NRXN1: variants seen among roughly 807,000 people sequenced by gnomAD.
NRXN1 encodes the protein neurexin-1.
A neutral mutation model predicts 150.9 loss-of-function variants in NRXN1; 39 were observed. That is an observed-to-expected ratio of 0.26 (90% confidence interval 0.20 to 0.34). NRXN1 has a LOEUF of 0.34. Ranked by LOEUF, NRXN1 falls within the 10% of genes least tolerant of loss-of-function variation. The probability of loss-of-function intolerance (pLI) is 1.00; values close to 1 mark genes in which losing one functional copy is unlikely to be tolerated. For synonymous variants in NRXN1, 924 were observed against 757.0 expected (o/e 1.22, Z -3.62); for missense variants, 1,815 against 1,949.9 (o/e 0.93, Z 1.30).
At chr2:50,333,835 G>A (rs2076987481) in intron 17 of NRXN1, among the ~76,000 whole-genome samples, 1 of 152,050 alleles carries the variant, frequency 6.6e-6, no homozygotes, top group South Asian at 2.1e-4. Flanking sequence ...AGCAGAGTGT[G>A]TAAACACCCA....
intron 2 of NRXN1, among the ~76,000 whole-genome samples, chr2:50,991,742 C>T (rs1446177277): frequency 6.6e-6 from 1 of 151,860 alleles, no homozygotes; most frequent in Non-Finnish European, 1.5e-5. Context: ...CTTGGGAACG[C>T]GATTCAAGGA....
chr2:50,886,832 G>C (rs1249301583), intron 5 of NRXN1, among the ~76,000 whole-genome samples: 2 of 151,148 alleles, frequency 1.3e-5, no homozygotes, highest in African/African-American at 4.8e-5. Context: ...TTATACTTTG[G>C]AGAGCCCAAA....
intron 2 of NRXN1, among the ~76,000 whole-genome samples, chr2:50,931,975 C>A (rs904404863): frequency 6.6e-6 from 1 of 151,950 alleles, no homozygotes; most frequent in Non-Finnish European, 1.5e-5. Context: ...AATTCTCCTG[C>A]CTCAGCCTCC....
At chr2:50,111,765 C>T (rs1418604801) in intron 18 of NRXN1, among the ~76,000 whole-genome samples, 1 of 152,176 alleles carries the variant, frequency 6.6e-6, no homozygotes, top group Non-Finnish European at 1.5e-5. Flanking sequence ...CACATTTTCC[C>T]CACAGTCAGC....
At chr2:50,131,659 T>G (rs1301338148) in intron 18 of NRXN1, among the ~76,000 whole-genome samples, 1 of 152,180 alleles carries the variant, frequency 6.6e-6, no homozygotes, top group Non-Finnish European at 1.5e-5. Flanking sequence ...TTTATTCACA[T>G]TAATTCAGCT....
At chr2:50,990,740 G>A (rs1346879060) in intron 2 of NRXN1, among the ~76,000 whole-genome samples, 1 of 151,960 alleles carries the variant, frequency 6.6e-6, no homozygotes, top group Admixed American at 6.6e-5. Flanking sequence ...ACGTCTTGCT[G>A]AGTTTCCTTT....
intron 2 of NRXN1, among the ~76,000 whole-genome samples, chr2:51,008,458 A>T (rs1194822527): frequency 1.3e-5 from 2 of 151,896 alleles, no homozygotes; most frequent in African/African-American, 4.8e-5. Context: ...CCTAAATACA[A>T]AATGAAAATA....
At chr2:50,975,267 A>C (rs1695638015) in intron 2 of NRXN1, among the ~76,000 whole-genome samples, 2 of 152,128 alleles carry the variant, frequency 1.3e-5, no homozygotes, top group Non-Finnish European at 2.9e-5. Context: ...TAACCATATA[A>C]ACAAAAACTC....
At chr2:50,426,730 A>T (rs937895243) in intron 17 of NRXN1, among the ~76,000 whole-genome samples, 7 of 152,284 alleles carry the variant, frequency 4.6e-5, no homozygotes, top group Admixed American at 3.9e-4. Context: ...TCAGTCCCTG[A>T]CCCATGCCAA....
At chr2:50,142,685 T>G (rs1333066771) in intron 18 of NRXN1, among the ~76,000 whole-genome samples, 1 of 151,974 alleles carries the variant, frequency 6.6e-6, no homozygotes, top group Admixed American at 6.6e-5. Context: ...TTAAAATTCC[T>G]TAATGCTAAA....
intron 2 of NRXN1, among the ~76,000 whole-genome samples, chr2:50,969,567 C>A (rs17041153): frequency 0.011 from 1,612 of 152,194 alleles, 37 homozygotes; most frequent in East Asian, 0.088. Flanking sequence ...GAAGTAGGAA[C>A]TATTTGATCT....
intron 5 of NRXN1, among the ~76,000 whole-genome samples, chr2:50,645,612 A>G (rs895764646): frequency 6.6e-6 from 1 of 152,004 alleles, no homozygotes; most frequent in Non-Finnish European, 1.5e-5. Context: ...TCATGTACTA[A>G]GCATTCAACA....
chr2:50,643,767 C>A (rs753670301), intron 5 of NRXN1, among the ~76,000 whole-genome samples: 4 of 151,804 alleles, frequency 2.6e-5, no homozygotes, highest in African/African-American at 4.8e-5. Context: ...TGTTTCTGTG[C>A]CAGAACTAGA....
chr2:50,027,503 C>A (rs530815499), intron 21 of NRXN1, among the ~76,000 whole-genome samples: 1 of 151,982 alleles, frequency 6.6e-6, no homozygotes, highest in South Asian at 2.1e-4. Context: ...AGTGCAGTGG[C>A]ACTCTCATGA....
intron 2 of NRXN1, among the ~76,000 whole-genome samples, chr2:50,966,817 C>A (rs1376419254): frequency 2.6e-5 from 4 of 151,814 alleles, no homozygotes; most frequent in Non-Finnish European, 4.4e-5. Context: ...GCTATAACAG[C>A]TATCTGCATT....
intron 18 of NRXN1, among the ~76,000 whole-genome samples, chr2:50,119,838 T>C (rs1703618354): frequency 6.6e-6 from 1 of 152,214 alleles, no homozygotes; most frequent in East Asian, 1.9e-4. Context: ...AGTTTTGCTC[T>C]TAATTTTTTT....
intron 17 of NRXN1, among the ~76,000 whole-genome samples, chr2:50,291,775 A>G (rs1263444325): frequency 6.6e-6 from 1 of 152,168 alleles, no homozygotes; most frequent in Non-Finnish European, 1.5e-5. Flanking sequence ...CTTAAGTCAC[A>G]GGAGCAATAA....
chr2:50,452,049 T>C (rs1408481402), intron 17 of NRXN1, among the ~76,000 whole-genome samples: 1 of 152,208 alleles, frequency 6.6e-6, no homozygotes, highest in Non-Finnish European at 1.5e-5. Context: ...ATATTTCAAC[T>C]TAAAGTTGAT....
intron 18 of NRXN1, among the ~76,000 whole-genome samples, chr2:50,177,439 T>C (rs2152807000): frequency 6.6e-6 from 1 of 152,184 alleles, no homozygotes; most frequent in African/African-American, 2.4e-5. Context: ...GTCCCATTTC[T>C]ATAATATAGA....
Sources: gnomAD v4.1 joint callset for allele counts (sites outside exome capture counted in the v4.1 genomes callset) on GRCh38, gnomAD v4.1.1 for gene constraint, MANE v1.5 for transcripts, NCBI Gene and HGNC (gene_info 2026-07-23, HGNC 2026-07-21) for gene names.